CDCA7: variants seen among roughly 807,000 people sequenced by gnomAD.
The protein encoded by CDCA7 is cell division cycle-associated protein 7.
Under a neutral mutation model 54.0 loss-of-function variants are expected in CDCA7, and 28 were observed. The ratio of observed to expected loss-of-function variants is 0.52; its 90% CI spans 0.38 to 0.71. CDCA7 has a LOEUF of 0.71. Among genes scored for constraint, CDCA7 ranks in the 30% least tolerant of loss-of-function variants. The pLI is 0.00. For synonymous variants in CDCA7, 180 were observed against 208.2 expected (o/e 0.86, Z 1.16); for missense variants, 484 against 586.0 (o/e 0.83, Z 1.80).
intron 5 of CDCA7, chr2:173,364,589 A>C: frequency 2.4e-6 from 1 of 416,832 alleles, no homozygotes; most frequent in Non-Finnish European, 3.7e-6. Context: ...GTTGAAAGAA[A>C]CTGGGCTTGG....
chr2:173,366,155 G>A lies in CDCA7; in HGVS notation c.1036-128G>A. 9.4e-7 allele frequency: 1 copy of A among 1,061,852 alleles called. No homozygotes were observed. Among genetic ancestry groups the A allele is most frequent in the Non-Finnish European group, 1.3e-6 (1 of 747,230 alleles). 65.8% of individuals were successfully genotyped at this position (1,061,852 alleles called of 1,614,324 possible). ...ATTTTTCATACCCTGGCATATACAT[G>A]TGTATGTAGAGATTCATAGACAAAA... On this transcript the variant is annotated intron_variant, in intron 7 of 9. Coordinates refer to ENST00000306721, the MANE Select transcript of CDCA7 (RefSeq NM_031942.5). The surrounding 1 kb of genome is among the most constrained non-coding windows in gnomAD (Gnocchi z 4.5).
At position 173,366,916 on chromosome 2, in the gene CDCA7, C is replaced by T. The variant is rs755422017; in HGVS notation, c.1186-234C>T. ...GCTGCATAGGCATGAGCCGCTTCTA[C>T]GATACTCGGGTCTGAACTGTCCCTG... On this transcript the variant is annotated intron_variant, in intron 8 of 9. Transcript: ENST00000306721. The surrounding 1 kb of genome is among the most constrained non-coding windows in gnomAD (Gnocchi z 4.5). 5.9e-5 allele frequency among the ~76,000 whole-genome samples: 9 copies of T among 152,174 alleles called. No individual in the cohort carries two copies. Among genetic ancestry groups the T allele is most frequent in the Non-Finnish European group, 7.3e-5 (5 of 68,038 alleles).
rs761979612 is a variant in CDCA7 at position 173,367,207 on chromosome 2, G to C, written c.1243G>C (p.Asp415His). The change falls in exon 9 of 10, where the codon GAT becomes CAT. Residue 415 changes from aspartate to histidine, a missense_variant. Transcript: ENST00000306721. ...ICNCSFCRQR[D>H]GRCATGVLVY... The stretch of plus-strand genomic sequence containing the variant: ...CAACTGCAGTTTCTGCCGGCAGCGA[G>C]ATGGACGGTGTGCGACTGGGGTCCT... 6.2e-7 allele frequency: 1 copy of C among 1,611,154 alleles called. No individual in the cohort carries two copies. Among genetic ancestry groups the C allele is most frequent in the South Asian group, 1.1e-5 (1 of 90,046 alleles).
At position 173,365,003 on chromosome 2, in the gene CDCA7, A is replaced by T. The variant is rs13382180; in HGVS notation, c.894+14A>T. ...GGCTACATGAATGTGAGTTCTCCGC[A>T]TTGGTACTTGCTCTTCTGATTCTCA... is the stretch of plus-strand genomic sequence containing the variant. On this transcript the variant is annotated intron_variant, in intron 6 of 9. Coordinates refer to ENST00000306721, the MANE Select transcript of CDCA7 (RefSeq NM_031942.5). 1 of 1,558,184 alleles carries T rather than the reference A, an allele frequency of 6.4e-7. No homozygotes were observed. The highest frequency in any genetic ancestry group is 2.3e-5 in the East Asian group (1 of 43,478).
At chr2:173,358,666 A>G in intron 1 of CDCA7, 46 bp from the exon 2 acceptor site, 1 of 1,587,572 alleles carries the variant, frequency 6.3e-7, no homozygotes, top group Non-Finnish European at 8.6e-7. Context: ...CTTTAGTTAA[A>G]TAAAGTAAGC....
intron 3 of CDCA7, among the ~76,000 whole-genome samples, chr2:173,360,245 G>A (rs752004494): frequency 1.1e-4 from 17 of 152,184 alleles, no homozygotes; most frequent in Non-Finnish European, 1.8e-4. Context: ...GGAGTGTTTT[G>A]GTCCAAATCA....
rs575009166 is a variant in CDCA7 at position 173,366,247 on chromosome 2, T to C, written c.1036-36T>C. 8.1e-6 allele frequency: 12 copies of C among 1,475,776 alleles called. No homozygotes were observed. The highest frequency in any genetic ancestry group is 1.1e-5 in the Non-Finnish European group (12 of 1,117,028). 91.4% of individuals were successfully genotyped at this position (1,475,776 alleles called of 1,614,324 possible). A position where few individuals can be genotyped will look rare whatever the true frequency, so the allele number is the denominator to read the frequency against. ...CATTTCCTCTGTTGAAAAACAGTGG[T>C]TTTTTTTGTTTTTTTTCTTAATGGC... On this transcript the variant is annotated intron_variant, in intron 7 of 9. Transcript: ENST00000306721. This position sits in a 1 kb window ranked among gnomAD's most constrained non-coding sequence, Gnocchi z 4.5.
In CDCA7 at chr2:173,354,913, G is replaced by T. The variant is rs1201326044; in HGVS notation, c.-51G>T. 2 of 1,477,396 alleles carry T rather than the reference G, an allele frequency of 1.4e-6. No homozygotes were observed. The highest frequency in any genetic ancestry group is 2.3e-5 in the Admixed American group (1 of 42,830). 91.5% of individuals were successfully genotyped at this position (1,477,396 alleles called of 1,614,324 possible). On this transcript the variant is annotated 5_prime_UTR_variant, in exon 1 of 10. Transcript: ENST00000306721. ...CTGCTGTGGGACCGCTGACCGCGCGGCTGCTCCGCTCTCCCCGCTCCAAGC... is the reference window on the plus strand; with the variant it reads ...CTGCTGTGGGACCGCTGACCGCGCGTCTGCTCCGCTCTCCCCGCTCCAAGC...
intron 3 of CDCA7, among the ~76,000 whole-genome samples, 167 bp from the exon 4 acceptor site, chr2:173,363,059 G>T (rs1433081126): frequency 6.6e-6 from 1 of 152,200 alleles, no homozygotes; most frequent in Non-Finnish European, 1.5e-5. Flanking sequence ...GAATTAAACT[G>T]CACTCTGTTG....
intron 7 of CDCA7, 39 bp downstream of exon 7, chr2:173,365,631 T>C (rs1207385680): frequency 6.2e-7 from 1 of 1,604,462 alleles, no homozygotes; most frequent in East Asian, 2.2e-5. Context: ...TGTAAACATC[T>C]GTGAGAGGAA....
rs1343759324 is a variant in CDCA7 at position 173,367,634 on chromosome 2, C to A, written c.1323C>A (p.Ser441Arg). The change falls in exon 10 of 10, where the codon AGC becomes AGA. Residue 441 changes from serine (S) to arginine (R), a missense_variant and splice_region_variant. Physicochemically the swap from Ser to Arg is moderately radical, Grantham distance 110 (BLOSUM62 -1). This residue lies in a region of CDCA7 where 83 missense variants were observed against 122.3 expected (regional missense o/e 0.68). Coordinates refer to ENST00000306721, the MANE Select transcript of CDCA7 (RefSeq NM_031942.5). ...GFGNVHAYLK[S>R]LKQEFEMQA ...ACACATTTCCTTTTGTTTTTCACAG[C>A]CTGAAACAGGAATTTGAAATGCAAG... 1 of 1,614,130 alleles carries A rather than the reference C, an allele frequency of 6.2e-7. No individual in the cohort carries two copies. The highest frequency in any genetic ancestry group is 1.7e-5 in the Admixed American group (1 of 60,016).
At position 173,365,001 on chromosome 2, in the gene CDCA7, G is replaced by A. The variant is rs765456341; in HGVS notation, c.894+12G>A. On this transcript the variant is annotated intron_variant, in intron 6 of 9. Transcript: ENST00000306721. ...ATGGCTACATGAATGTGAGTTCTCC[G>A]CATTGGTACTTGCTCTTCTGATTCT... 1.5e-5 allele frequency: 24 copies of A among 1,560,584 alleles called. No homozygotes were observed. The highest frequency in any genetic ancestry group is 5.5e-5 in the African/African-American group (4 of 72,344).
At position 173,366,256 on chromosome 2, in the gene CDCA7, T is replaced by TC. The variant is rs773969240; in HGVS notation, c.1036-27_1036-26insC. On this transcript the variant is annotated intron_variant, in intron 7 of 9. Coordinates refer to ENST00000306721, the MANE Select transcript of CDCA7 (RefSeq NM_031942.5). The surrounding 1 kb of genome is among the most constrained non-coding windows in gnomAD (Gnocchi z 4.5). ...TGTTGAAAAACAGTGGTTTTTTTTG[T>TC]TTTTTTTCTTAATGGCTTATTTGTA... is the stretch of plus-strand genomic sequence containing the variant. The TC allele has an allele frequency of 2.1e-6, 3 of 1,435,164 alleles. No individual in the cohort carries two copies. The highest frequency in any genetic ancestry group is 5.3e-5 in the Admixed American group (2 of 37,938). 88.9% of individuals were successfully genotyped at this position (1,435,164 alleles called of 1,614,324 possible). A position where few individuals can be genotyped will look rare whatever the true frequency, so the allele number is the denominator to read the frequency against.
Position 173,363,910 on chromosome 2 carries a change from T to C in CDCA7, c.699+15T>C. The C allele has an allele frequency of 1.2e-6, 2 of 1,611,054 alleles. No homozygotes were observed. The highest frequency in any genetic ancestry group is 1.7e-6 in the Non-Finnish European group (2 of 1,177,214). On this transcript the variant is annotated intron_variant, in intron 5 of 9. Transcript: ENST00000306721. Reference sequence around the variant, plus strand: ...GCTCCGACTCAGTAAGTACCAGTTCTTGTTTATATACAGTAGTGTTTTGGG... The same window carrying C: ...GCTCCGACTCAGTAAGTACCAGTTCCTGTTTATATACAGTAGTGTTTTGGG...
intron 3 of CDCA7, among the ~76,000 whole-genome samples, chr2:173,362,664 C>T (rs1686644092): frequency 1.3e-5 from 2 of 151,668 alleles, no homozygotes; most frequent in African/African-American, 2.4e-5. Context: ...AGCCTCTGCC[C>T]CCTGGGCTCA....
intron 3 of CDCA7, among the ~76,000 whole-genome samples, chr2:173,361,445 C>A (rs796545799): frequency 9.1e-5 from 12 of 132,484 alleles, no homozygotes; most frequent in African/African-American, 3.3e-4. Flanking sequence ...TTTTTATTTT[C>A]CTTTTGCTTT....
chr2:173,358,965 T>C, intron 2 of CDCA7, 128 bp downstream of exon 2: 1 of 1,251,942 alleles, frequency 8.0e-7, no homozygotes, highest in Non-Finnish European at 1.1e-6. Context: ...AAATACAGTA[T>C]GCACTATAAT....
Position 173,368,983 on chromosome 2 carries a change from AC to A in CDCA7, c.*1321del, listed in dbSNP as rs1686772979. The A allele has an allele frequency of 6.6e-6, 1 of 152,160 alleles. No homozygotes were observed. The highest frequency in any genetic ancestry group is 1.5e-5 in the Non-Finnish European group (1 of 68,034). 9.4% of individuals were successfully genotyped at this position (152,160 alleles called of 1,614,324 possible). A position where few individuals can be genotyped will look rare whatever the true frequency, so the allele number is the denominator to read the frequency against. On this transcript the variant is annotated 3_prime_UTR_variant, in exon 10 of 10. Coordinates refer to ENST00000306721, the MANE Select transcript of CDCA7 (RefSeq NM_031942.5). ...CATATTTAAATAAAAGGCCATTTCC[AC>A]CTTTTCTAAAAAAGTCTCCCTTTTG... is the stretch of plus-strand genomic sequence containing the variant.
intron 5 of CDCA7, 166 bp downstream of exon 5, chr2:173,364,061 C>G: frequency 1.7e-6 from 1 of 589,866 alleles, no homozygotes; most frequent in South Asian, 2.4e-5. Flanking sequence ...TCCTTGAATC[C>G]TGGGCAGTTT....
Sources: allele counts gnomAD v4.1 joint callset (sites outside exome capture counted in the v4.1 genomes callset), GRCh38; gene constraint gnomAD v4.1.1; regional missense constraint gnomAD v4.1.1; non-coding constraint Gnocchi (gnomAD v3.1); transcripts MANE v1.5; gene names NCBI Gene and HGNC (gene_info 2026-07-23, HGNC 2026-07-21).